The following LYNX1 variants were observed in gnomAD, a reference collection of about 807,000 sequenced individuals.
LYNX1 encodes Ly6/neurotoxin 1.
A neutral mutation model predicts 8.3 loss-of-function variants in LYNX1; 8 were observed. The observed-to-expected ratio is 0.97, with a 90% CI of 0.57 to 1.74. The LOEUF (loss-of-function observed/expected upper bound fraction) is 1.74, where lower values mean the gene tolerates loss of function less well. LYNX1 is among the 40% of genes most tolerant of loss of function. The pLI, the probability that LYNX1 is intolerant of heterozygous loss-of-function variation, is 0.00. For synonymous variants in LYNX1, 73 were observed against 67.9 expected, an observed-to-expected ratio of 1.08 and a Z score of -0.37; for missense variants, 158 against 159.7, an observed-to-expected ratio of 0.99 and a Z score of 0.06.
chr8:142,773,430 C>T lies in LYNX1; in HGVS notation c.*1737G>A. 1.0e-6 allele frequency: 1 copy of T among 985,582 alleles called. No homozygotes were observed. Among genetic ancestry groups the T allele is most frequent in the Non-Finnish European group, 1.2e-6 (1 of 830,074 alleles). The allele number at this position is 985,582 out of a possible 1,614,324, so 61.1% of individuals were successfully genotyped here. A position where few individuals can be genotyped will look rare whatever the true frequency, so the allele number is the denominator to read the frequency against. ...TCCCAGCTCTGGGCCCAGTATGATG[C>T]CCATCTTCCCTCTGGGGAGTCACGT... On this transcript the variant is annotated 3_prime_UTR_variant, in exon 4 of 4. Transcript: ENST00000652477.
intron 2 of LYNX1, 29 bp from the exon 3 acceptor site, chr8:142,775,723 A>G (rs200901314): frequency 6.4e-7 from 1 of 1,563,532 alleles, no homozygotes; most frequent in East Asian, 2.4e-5. Flanking sequence ...CGGGAAGGGA[A>G]CGGGGGTCAC....
In LYNX1 at chr8:142,774,988, C is replaced by A; in HGVS notation, c.*179G>T. On this transcript the variant is annotated 3_prime_UTR_variant, in exon 4 of 4. Transcript: ENST00000652477. ...ACACAGCATCGAAAGGTCAAGGCCT[C>A]GAAGTGAGGTCGTGTGGTGGTTGGG... 7.0e-7 allele frequency: 1 copy of A among 1,434,734 alleles called. No individual in the cohort carries two copies. The highest frequency in any genetic ancestry group is 9.1e-7 in the Non-Finnish European group (1 of 1,098,830). 88.9% of individuals were successfully genotyped at this position (1,434,734 alleles called of 1,614,324 possible). A position where few individuals can be genotyped will look rare whatever the true frequency, so the allele number is the denominator to read the frequency against.
Position 142,773,450 on chromosome 8 carries a change from T to A in LYNX1, c.*1717A>T. ...TGATGCCCATCTTCCCTCTGGGGAG[T>A]CACGTTCCTCCCGCTCCGGGCCCGT... On this transcript the variant is annotated 3_prime_UTR_variant, in exon 4 of 4. Transcript: ENST00000652477. 2.0e-6 allele frequency: 2 copies of A among 985,248 alleles called. No individual in the cohort carries two copies. The highest frequency in any genetic ancestry group is 2.4e-6 in the Non-Finnish European group (2 of 829,952). 61.0% of individuals were successfully genotyped at this position (985,248 alleles called of 1,614,324 possible).
chr8:142,775,043 C>G lies in LYNX1; in HGVS notation c.*124G>C. On this transcript the variant is annotated 3_prime_UTR_variant, in exon 4 of 4. Coordinates refer to ENST00000652477, the MANE Select transcript of LYNX1 (RefSeq NM_177477.4). ...GTCGGGTGTCTTCTTGCCCACAGTC[C>G]TGACCCTGGGCATGGCTGAGGAGGT... 4.1e-6 allele frequency: 6 copies of G among 1,474,266 alleles called. No individual in the cohort carries two copies. Among genetic ancestry groups the G allele is most frequent in the Non-Finnish European group, 5.4e-6 (6 of 1,114,862 alleles). 91.3% of individuals were successfully genotyped at this position (1,474,266 alleles called of 1,614,324 possible). A position where few individuals can be genotyped will look rare whatever the true frequency, so the allele number is the denominator to read the frequency against.
chr8:142,775,714 G>A lies in LYNX1; in HGVS notation c.53-20C>T, dbSNP rs971979236. The A allele has an allele frequency of 1.3e-5, 20 of 1,575,586 alleles. No homozygotes were observed. The highest frequency in any genetic ancestry group is 7.4e-5 in the Admixed American group (4 of 54,194). Reference sequence around the variant, plus strand: ...CCTGGGCTGGGGTTGGCAGATGGGCGGGAAGGGAACGGGGGTCACAGAACA... The same window carrying A: ...CCTGGGCTGGGGTTGGCAGATGGGCAGGAAGGGAACGGGGGTCACAGAACA... On this transcript the variant is annotated intron_variant, in intron 2 of 3. Transcript: ENST00000652477.
Position 142,771,324 on chromosome 8 carries a change from AAGACAGGAGGGAG to A in LYNX1, c.*3830_*3842del. On this transcript the variant is annotated 3_prime_UTR_variant, in exon 4 of 4. Coordinates refer to ENST00000652477, the MANE Select transcript of LYNX1 (RefSeq NM_177477.4). ...GGGAAGCACCTGGACCCCAGAACAT[AAGACAGGAGGGAG>A]AGATGCCATCCATTCAGCGGGCACT... The A allele has an allele frequency of 1.0e-6, 1 of 985,580 alleles. No individual in the cohort carries two copies. The highest frequency in any genetic ancestry group is 1.2e-6 in the Non-Finnish European group (1 of 830,020). The allele number at this position is 985,580 out of a possible 1,614,324, so 61.1% of individuals were successfully genotyped here.
upstream of LYNX1, chr8:142,777,346 C>A (rs1233509798): frequency 1.2e-5 from 2 of 167,512 alleles, no homozygotes; most frequent in Non-Finnish European, 2.4e-5. Flanking sequence ...GAGCAACCCC[C>A]CGAGCCGAGC....
chr8:142,772,493 G>A lies in LYNX1; in HGVS notation c.*2674C>T, dbSNP rs1487571919. The stretch of plus-strand genomic sequence containing the variant: ...AGGAACCCCAGCTGGTGGGAGAAGC[G>A]GCTGCACTGTGGTGCAGGGGGTGGT... On this transcript the variant is annotated 3_prime_UTR_variant, in exon 4 of 4. Coordinates refer to ENST00000652477, the MANE Select transcript of LYNX1 (RefSeq NM_177477.4). 10 of 985,346 alleles carry A rather than the reference G, an allele frequency of 1.0e-5. No homozygotes were observed. The highest frequency in any genetic ancestry group is 3.5e-5 in the African/African-American group (2 of 57,240). The allele number at this position is 985,346 out of a possible 1,614,324, so 61.0% of individuals were successfully genotyped here.
In LYNX1 at chr8:142,771,699, T is replaced by C. The variant is rs1285852167; in HGVS notation, c.*3468A>G. 1.0e-6 allele frequency: 1 copy of C among 985,646 alleles called. No homozygotes were observed. Among genetic ancestry groups the C allele is most frequent in the African/African-American group, 1.7e-5 (1 of 57,170 alleles). The allele number at this position is 985,646 out of a possible 1,614,324, so 61.1% of individuals were successfully genotyped here. A position where few individuals can be genotyped will look rare whatever the true frequency, so the allele number is the denominator to read the frequency against. ...CATATCCACCGAGGGCCTCTCTGCT[T>C]CTTTTGACCTTTTTCAGAGTTTCAG... On this transcript the variant is annotated 3_prime_UTR_variant, in exon 4 of 4. Transcript: ENST00000652477.
rs1474374887 is a variant in LYNX1, at chr8:142,773,807, C to A, written c.*1360G>T. Reference sequence around the variant, plus strand: ...TGGATATGTCACCATCCTGCCCATGCGGGATGGCTTGAAGGGTTTCTCAGG... The same window carrying A: ...TGGATATGTCACCATCCTGCCCATGAGGGATGGCTTGAAGGGTTTCTCAGG... On this transcript the variant is annotated 3_prime_UTR_variant, in exon 4 of 4. Transcript: ENST00000652477. The A allele has an allele frequency of 3.0e-6, 3 of 985,276 alleles. No individual in the cohort carries two copies. The highest frequency in any genetic ancestry group is 3.6e-6 in the Non-Finnish European group (3 of 829,938). The allele number at this position is 985,276 out of a possible 1,614,324, so 61.0% of individuals were successfully genotyped here. A position where few individuals can be genotyped will look rare whatever the true frequency, so the allele number is the denominator to read the frequency against.
In LYNX1 at chr8:142,771,620, AGAG is replaced by A; in HGVS notation, c.*3544_*3546del. 7 of 985,770 alleles carry A rather than the reference AGAG, an allele frequency of 7.1e-6. No homozygotes were observed. The highest frequency in any genetic ancestry group is 8.4e-6 in the Non-Finnish European group (7 of 829,976). 61.1% of individuals were successfully genotyped at this position (985,770 alleles called of 1,614,324 possible). A position where few individuals can be genotyped will look rare whatever the true frequency, so the allele number is the denominator to read the frequency against. ...GCCCTCCCTGCGAGCTGAGGTTTGAAGAGGAGAGCAGACCACCCAGAGTAGTGG... is the reference window on the plus strand; with the variant it reads ...GCCCTCCCTGCGAGCTGAGGTTTGAAGAGAGCAGACCACCCAGAGTAGTGG... On this transcript the variant is annotated 3_prime_UTR_variant, in exon 4 of 4. Coordinates refer to ENST00000652477, the MANE Select transcript of LYNX1 (RefSeq NM_177477.4).
upstream of LYNX1, among the ~76,000 whole-genome samples, chr8:142,777,488 C>CCCCGGACCGCCGG (rs1563841740): frequency 3.4e-4 from 43 of 125,028 alleles, no homozygotes; most frequent in African/African-American, 1.4e-3. Flanking sequence ...CCCGGACCCG[C>CCCCGGACCGCCGG]CTCCTGGGCA....
At position 142,773,698 on chromosome 8, in the gene LYNX1, T is replaced by A; in HGVS notation, c.*1469A>T. 1 of 985,298 alleles carries A rather than the reference T, an allele frequency of 1.0e-6. No homozygotes were observed. The allele number at this position is 985,298 out of a possible 1,614,324, so 61.0% of individuals were successfully genotyped here. A position where few individuals can be genotyped will look rare whatever the true frequency, so the allele number is the denominator to read the frequency against. On this transcript the variant is annotated 3_prime_UTR_variant, in exon 4 of 4. Coordinates refer to ENST00000652477, the MANE Select transcript of LYNX1 (RefSeq NM_177477.4). ...TCATTCCCTGATCCCCCAGGGGTCC[T>A]GCATCAAAGCTCTGGAGATGCAATT...
chr8:142,771,618 G>A lies in LYNX1; in HGVS notation c.*3549C>T, dbSNP rs1211350779. On this transcript the variant is annotated 3_prime_UTR_variant, in exon 4 of 4. Transcript: ENST00000652477. The stretch of plus-strand genomic sequence containing the variant: ...AGGCCCTCCCTGCGAGCTGAGGTTT[G>A]AAGAGGAGAGCAGACCACCCAGAGT... 2 of 985,800 alleles carry A rather than the reference G, an allele frequency of 2.0e-6. No homozygotes were observed. The highest frequency in any genetic ancestry group is 2.4e-6 in the Non-Finnish European group (2 of 829,998). The allele number at this position is 985,800 out of a possible 1,614,324, so 61.1% of individuals were successfully genotyped here.
Position 142,773,303 on chromosome 8 carries a change from AC to A in LYNX1, c.*1863del, listed in dbSNP as rs935890067. The A allele has an allele frequency of 3.9e-5, 38 of 985,142 alleles. No homozygotes were observed. The highest frequency in any genetic ancestry group is 1.9e-4 in the South Asian group (4 of 21,268). 61.0% of individuals were successfully genotyped at this position (985,142 alleles called of 1,614,324 possible). A position where few individuals can be genotyped will look rare whatever the true frequency, so the allele number is the denominator to read the frequency against. On this transcript the variant is annotated 3_prime_UTR_variant, in exon 4 of 4. Coordinates refer to ENST00000652477, the MANE Select transcript of LYNX1 (RefSeq NM_177477.4). ...GGAGGCACCTGGCAGCCTCCCAGACACCCCGGGCCGGTCCTGCTCTCCAGGC... is the reference window on the plus strand; with the variant it reads ...GGAGGCACCTGGCAGCCTCCCAGACACCCGGGCCGGTCCTGCTCTCCAGGC...
chr8:142,775,857 C>G (rs1003060450), intron 2 of LYNX1, 49 bp downstream of exon 2: 25 of 1,609,586 alleles, frequency 1.6e-5, no homozygotes, highest in Non-Finnish European at 2.0e-5. Flanking sequence ...GTCAGCCCAT[C>G]TGCCCTCAAA....
At position 142,772,990 on chromosome 8, in the gene LYNX1, G is replaced by A; in HGVS notation, c.*2177C>T. The A allele has an allele frequency of 1.0e-6, 1 of 985,562 alleles. No individual in the cohort carries two copies. The highest frequency in any genetic ancestry group is 1.2e-6 in the Non-Finnish European group (1 of 830,034). The allele number at this position is 985,562 out of a possible 1,614,324, so 61.1% of individuals were successfully genotyped here. On this transcript the variant is annotated 3_prime_UTR_variant, in exon 4 of 4. Coordinates refer to ENST00000652477, the MANE Select transcript of LYNX1 (RefSeq NM_177477.4). ...CAGGTCCTTGTTCTCAGCTGCCCCT[G>A]AGCCATGGGTGGCCAGGTCTCCTCC...
At position 142,775,740 on chromosome 8, in the gene LYNX1, T is replaced by C. The variant is rs1355458483; in HGVS notation, c.53-46A>G. 3.2e-6 allele frequency: 5 copies of C among 1,548,890 alleles called. No individual in the cohort carries two copies. In the South Asian group the frequency reaches 4.7e-5, roughly 15 times the overall value. ...GGAAGGGAACGGGGGTCACAGAACA[T>C]GAGAGGCCCCTCCTCCAGCCCATCA... On this transcript the variant is annotated intron_variant, in intron 2 of 3. Coordinates refer to ENST00000652477, the MANE Select transcript of LYNX1 (RefSeq NM_177477.4).
At chr8:142,777,822 G>T (rs1248514180), upstream of LYNX1, 3 of 398,654 alleles carry the variant, frequency 7.5e-6, no homozygotes, top group Non-Finnish European at 8.8e-6. Context: ...AGCCTTCCCC[G>T]CAGCCGCCTC....
Sources: allele counts gnomAD v4.1 joint callset (sites outside exome capture counted in the v4.1 genomes callset), GRCh38; gene constraint gnomAD v4.1.1; transcripts MANE v1.5; gene names NCBI Gene and HGNC (gene_info 2026-07-23, HGNC 2026-07-21).